Variants in NSMCE2 observed in about 807,000 individuals in gnomAD.
NSMCE2 encodes NSE2 SUMO ligase component of SMC5/6 complex.
In NSMCE2, 24 loss-of-function variants were observed where a neutral mutation model predicts 23.8. The observed-to-expected ratio is 1.01, with a 90% CI of 0.73 to 1.42. The LOEUF (loss-of-function observed/expected upper bound fraction) is 1.42, where lower values mean the gene tolerates loss of function less well. Among genes scored for constraint, NSMCE2 ranks in the 40% most tolerant of loss-of-function variants. The pLI is 0.00. For missense variants in NSMCE2, 284 were observed against 296.5 expected (o/e 0.96, Z 0.31); for synonymous variants, 92 against 94.1 (o/e 0.98, Z 0.13).
At chr8:125,341,988 A>G (rs1197646636) in intron 5 of NSMCE2, among the ~76,000 whole-genome samples, 1 of 151,362 alleles carries the variant, frequency 6.6e-6, no homozygotes, top group African/African-American at 2.4e-5. Context: ...ATAATTATGA[A>G]TGATGTGTTT....
intron 3 of NSMCE2, among the ~76,000 whole-genome samples, chr8:125,136,203 G>T (rs1388287496): frequency 2.6e-5 from 4 of 152,146 alleles, no homozygotes; most frequent in Admixed American, 2.6e-4. Flanking sequence ...TGATAAACAG[G>T]AGAGTAACAC....
chr8:125,334,260 C>A (rs560339468), intron 5 of NSMCE2, among the ~76,000 whole-genome samples: 1 of 152,274 alleles, frequency 6.6e-6, no homozygotes, highest in Admixed American at 6.5e-5. Context: ...ACTGGAGGTG[C>A]TTTGATCATT....
chr8:125,190,011 C>T (rs1823278195), intron 5 of NSMCE2, among the ~76,000 whole-genome samples: 2 of 152,246 alleles, frequency 1.3e-5, no homozygotes, highest in South Asian at 4.2e-4. Flanking sequence ...GTTGATGAAG[C>T]CATTGCCATT....
intron 3 of NSMCE2, among the ~76,000 whole-genome samples, chr8:125,124,482 C>G (rs6984988): frequency 0.099 from 14,967 of 151,882 alleles, 938 homozygotes; most frequent in South Asian, 0.17. Flanking sequence ...CTCTCTCTCT[C>G]TCTCTCTCTC....
chr8:125,305,004 A>T (rs1245601107), intron 5 of NSMCE2, among the ~76,000 whole-genome samples: 1 of 151,592 alleles, frequency 6.6e-6, no homozygotes, highest in Non-Finnish European at 1.5e-5. Flanking sequence ...GGAAGGAAGG[A>T]AGGAAAGAAA....
chr8:125,151,061 C>T (rs964440150), intron 3 of NSMCE2, 110 bp from the exon 4 acceptor site: 2 of 487,272 alleles, frequency 4.1e-6, no homozygotes, highest in African/African-American at 2.0e-5. Context: ...GATGTAATAG[C>T]TCTACAAAAT....
chr8:125,327,311 T>C (rs551679192), intron 5 of NSMCE2, among the ~76,000 whole-genome samples: 1 of 151,000 alleles, frequency 6.6e-6, no homozygotes, highest in South Asian at 2.1e-4. Flanking sequence ...AATTGGGAAC[T>C]ATAATTGAAA....
At chr8:125,170,304 C>CAG (rs1563694484) in intron 4 of NSMCE2, among the ~76,000 whole-genome samples, 2 of 149,156 alleles carry the variant, frequency 1.3e-5, no homozygotes, top group South Asian at 4.3e-4. Flanking sequence ...GACCAAAATC[C>CAG]AGAGTTGTCC....
At chr8:125,363,526 A>C (rs1398892084) in intron 7 of NSMCE2, among the ~76,000 whole-genome samples, 1 of 134,534 alleles carries the variant, frequency 7.4e-6, no homozygotes, top group African/African-American at 3.0e-5. Context: ...AGAGGAGAGA[A>C]AGAAAGAAAG....
chr8:125,166,290 CAG>C (rs1821873365), intron 4 of NSMCE2, among the ~76,000 whole-genome samples: 1 of 152,104 alleles, frequency 6.6e-6, no homozygotes, highest in South Asian at 2.1e-4. Context: ...TATTTTGAGA[CAG>C]AGTCTCGCTC....
intron 5 of NSMCE2, among the ~76,000 whole-genome samples, chr8:125,192,164 A>G (rs1823378712): frequency 6.6e-6 from 1 of 152,170 alleles, no homozygotes; most frequent in Non-Finnish European, 1.5e-5. Flanking sequence ...ACCAAGTCTT[A>G]AGTGTCCCAG....
At chr8:125,098,505 G>A (rs1026533534) in intron 1 of NSMCE2, among the ~76,000 whole-genome samples, 1 of 152,120 alleles carries the variant, frequency 6.6e-6, no homozygotes, top group Non-Finnish European at 1.5e-5. Context: ...GTTGAGAATA[G>A]GGTGGAAGAG....
chr8:125,291,906 A>G lies in NSMCE2; in HGVS notation c.419-65313A>G, dbSNP rs1322711083. The stretch of plus-strand genomic sequence containing the variant: ...TTTTTTCCTATATAAAGTTCAGTGC[A>G]GATAAAGGGGGTGTTTGTTCCATAA... On this transcript the variant is annotated intron_variant, in intron 5 of 7. Coordinates refer to ENST00000287437, the MANE Select transcript of NSMCE2 (RefSeq NM_173685.4). 4.6e-5 allele frequency among the ~76,000 whole-genome samples: 7 copies of G among 152,170 alleles called. No homozygotes were observed. The South Asian group carries it at 8.3e-4, about 18-fold the overall frequency.
At chr8:125,185,431 C>G (rs1341257667) in intron 5 of NSMCE2, among the ~76,000 whole-genome samples, 1 of 152,136 alleles carries the variant, frequency 6.6e-6, no homozygotes, top group African/African-American at 2.4e-5. Context: ...CTCAGCCTCC[C>G]AAGTAGCTGG....
rs1028970229 is a variant in NSMCE2 at position 125,151,234 on chromosome 8, A to C, written c.221A>C (p.Gln74Pro). The C allele has an allele frequency of 6.2e-6, 10 of 1,607,630 alleles. No individual in the cohort carries two copies. Among genetic ancestry groups the C allele is most frequent in the Non-Finnish European group, 8.5e-6 (10 of 1,174,634 alleles). Residue 74 changes from glutamine (Q) to proline (P), a missense_variant, in exon 4 of 8, where the codon CAA (glutamine) becomes CCA (proline). Gln to Pro is a moderately conservative substitution (Grantham distance 76). Coordinates refer to ENST00000287437, the MANE Select transcript of NSMCE2 (RefSeq NM_173685.4). Reference protein sequence around the residue: ...AMVEFATLDRQLNHYVKAVQS... With the variant: ...AMVEFATLDRPLNHYVKAVQS... ...GTTGAATTTGCTACATTGGATCGGC[A>C]ACTAAACCATTATGTAAAGGCTGTT...
intron 5 of NSMCE2, among the ~76,000 whole-genome samples, chr8:125,309,513 G>A (rs1467852805): frequency 4.6e-5 from 7 of 152,042 alleles, no homozygotes; most frequent in African/African-American, 7.2e-5. Context: ...GCTTGAGCTC[G>A]GGAGTTTGAG....
At chr8:125,308,528 C>T (rs1828848207) in intron 5 of NSMCE2, among the ~76,000 whole-genome samples, 2 of 152,130 alleles carry the variant, frequency 1.3e-5, no homozygotes, top group African/African-American at 2.4e-5. Context: ...TCCTTAGTCA[C>T]CTATTTTTGC....
chr8:125,275,411 A>C (rs1235881726), intron 5 of NSMCE2, among the ~76,000 whole-genome samples: 1 of 152,214 alleles, frequency 6.6e-6, no homozygotes, highest in Non-Finnish European at 1.5e-5. Flanking sequence ...CCACTAGAGA[A>C]GTGCCACTCT....
intron 5 of NSMCE2, among the ~76,000 whole-genome samples, chr8:125,243,400 CA>C (rs1048769839): frequency 1.3e-4 from 19 of 151,868 alleles, no homozygotes; most frequent in African/African-American, 4.6e-4. Context: ...AAAGATGTTC[CA>C]AAAGGAAGAT....
Sources: allele counts gnomAD v4.1 joint callset (sites outside exome capture counted in the v4.1 genomes callset), GRCh38; gene constraint gnomAD v4.1.1; transcripts MANE v1.5; gene names NCBI Gene and HGNC (gene_info 2026-07-23, HGNC 2026-07-21).